The following DMD variants were observed in gnomAD, a reference collection of about 807,000 sequenced individuals.
The protein encoded by DMD is dystrophin.
In DMD, 63 loss-of-function variants were observed where a neutral mutation model predicts 330.1. The observed-to-expected ratio is 0.19, with a 90% CI of 0.16 to 0.24. The LOEUF (loss-of-function observed/expected upper bound fraction) is 0.24. Among genes scored for constraint, DMD ranks in the 10% least tolerant of loss-of-function variants. The pLI is 1.00. For missense variants in DMD, 3,344 were observed against 2,684.1 expected (o/e 1.25, Z -5.43); for synonymous variants, 1,223 against 959.8 (o/e 1.27, Z -5.07).
At position 32,136,453 on chromosome X, in the gene DMD, AT is replaced by A. The variant is rs780190494; in HGVS notation, c.6438+80462del. Among the ~76,000 whole-genome samples, 4 of 112,666 alleles carry A rather than the reference AT, an allele frequency of 3.6e-5. No individual in the cohort carries two copies. The South Asian group carries it at 1.4e-3, about 41-fold the overall frequency. On this transcript the variant is annotated intron_variant, in intron 44 of 78. Transcript: ENST00000357033. ...CTTTCATTAAGGCATATGTTCCTTT[AT>A]GAAAAACATTCCATTCCTGGCAGCC...
At chrX:31,456,884 A>G (rs866897452) in intron 59 of DMD, among the ~76,000 whole-genome samples, 7 of 96,570 alleles carry the variant, frequency 7.2e-5, no homozygotes, top group African/African-American at 1.6e-4. Context: ...GTGTATATAT[A>G]TATATATTAT....
chrX:32,900,945 A>G (rs1178186941), intron 2 of DMD, among the ~76,000 whole-genome samples: 6 of 111,322 alleles, frequency 5.4e-5, no homozygotes, highest in Non-Finnish European at 1.1e-4. Context: ...CAAAATGATG[A>G]AAATGCTTGT....
At chrX:32,943,086 G>T (rs2090540780) in intron 2 of DMD, among the ~76,000 whole-genome samples, 1 of 111,572 alleles carries the variant, frequency 9.0e-6, no homozygotes, top group African/African-American at 3.3e-5. Context: ...AAGAATTAGA[G>T]ATATAAACAT....
rs770319467 is a variant in DMD, at chrX:32,498,114, T to C, written c.2380+3641A>G. Among the ~76,000 whole-genome samples, 298 of 111,477 alleles carry C rather than the reference T, an allele frequency of 2.7e-3. 1 individual carries two copies. The highest frequency in any genetic ancestry group is 9.4e-3 in the African/African-American group (290 of 30,817). On this transcript the variant is annotated intron_variant, in intron 19 of 78. Coordinates refer to ENST00000357033, the MANE Select transcript of DMD (RefSeq NM_004006.3). Reference sequence around the variant, plus strand: ...ATGAATATATAAATACATCACTAGATACCTGGTCTAGCCTCTCACTTGCCC... The same window carrying C: ...ATGAATATATAAATACATCACTAGACACCTGGTCTAGCCTCTCACTTGCCC...
At chrX:32,514,834 T>C (rs2045701401) in intron 18 of DMD, among the ~76,000 whole-genome samples, 1 of 112,335 alleles carries the variant, frequency 8.9e-6, no homozygotes, top group Non-Finnish European at 1.9e-5. Context: ...ATTGAGGAGA[T>C]GAGAGAAACA....
intron 44 of DMD, among the ~76,000 whole-genome samples, chrX:32,213,409 G>A (rs762265348): frequency 2.7e-5 from 3 of 112,368 alleles, no homozygotes; most frequent in East Asian, 2.8e-4. Flanking sequence ...CCCATTTTAC[G>A]ATAATTACTC....
intron 44 of DMD, among the ~76,000 whole-genome samples, chrX:31,973,603 C>T (rs888939312): frequency 9.0e-6 from 1 of 111,152 alleles, no homozygotes; most frequent in African/African-American, 3.3e-5. Flanking sequence ...AGCTTAGCTC[C>T]AATGCCCAGT....
chrX:31,756,132 G>A (rs1332309740), intron 51 of DMD, among the ~76,000 whole-genome samples: 1 of 110,769 alleles, frequency 9.0e-6, no homozygotes, highest in Non-Finnish European at 1.9e-5. Flanking sequence ...AGACTGCGGT[G>A]AGATCATTGC....
At chrX:31,981,108 G>C (rs2150255497) in intron 44 of DMD, among the ~76,000 whole-genome samples, 1 of 111,766 alleles carries the variant, frequency 8.9e-6, no homozygotes, top group East Asian at 2.8e-4. Flanking sequence ...CAGACTTCGT[G>C]AACCATCAGG....
At chrX:32,607,683 G>A (rs769766455) in intron 12 of DMD, among the ~76,000 whole-genome samples, 2 of 110,547 alleles carry the variant, frequency 1.8e-5, no homozygotes, top group South Asian at 7.4e-4. Flanking sequence ...ATAAGATACG[G>A]TCATACATTT....
chrX:32,618,223 C>T (rs1186652859), intron 11 of DMD, among the ~76,000 whole-genome samples: 1 of 112,031 alleles, frequency 8.9e-6, no homozygotes, highest in Non-Finnish European at 1.9e-5. Flanking sequence ...CACATATGTT[C>T]GTGGCAGCAC....
chrX:32,858,295 C>CT (rs1268160344), intron 2 of DMD, among the ~76,000 whole-genome samples: 1 of 112,047 alleles, frequency 8.9e-6, no homozygotes, highest in Non-Finnish European at 1.9e-5. Context: ...TTGCCTTCTT[C>CT]TTTTAATATA....
intron 1 of DMD, among the ~76,000 whole-genome samples, chrX:33,036,607 G>A (rs757968456): frequency 1.2e-4 from 13 of 111,085 alleles, no homozygotes; most frequent in Middle Eastern, 4.7e-3. Context: ...AATCATCTCC[G>A]TAAGTTTTGG....
intron 13 of DMD, among the ~76,000 whole-genome samples, chrX:32,584,846 A>ATAG (rs764925533): frequency 8.9e-6 from 1 of 111,925 alleles, no homozygotes; most frequent in East Asian, 2.8e-4. Context: ...ATGTGGAATC[A>ATAG]TAGTATGTTA....
At chrX:31,409,270 C>A (rs2061537978) in intron 60 of DMD, among the ~76,000 whole-genome samples, 1 of 112,412 alleles carries the variant, frequency 8.9e-6, no homozygotes, top group Admixed American at 9.4e-5. Context: ...ATGTCTGCTC[C>A]AAAATGCTGG....
At chrX:33,054,331 A>G (rs754812936) in intron 1 of DMD, among the ~76,000 whole-genome samples, 1 of 112,089 alleles carries the variant, frequency 8.9e-6, no homozygotes, top group South Asian at 3.7e-4. Flanking sequence ...GCCTATATAT[A>G]TATTCCATAG....
At chrX:32,249,516 G>T (rs1308304764) in intron 43 of DMD, among the ~76,000 whole-genome samples, 1 of 111,594 alleles carries the variant, frequency 9.0e-6, no homozygotes, top group Admixed American at 9.6e-5. Flanking sequence ...GAGTGCTAAT[G>T]GCAAGGGTCA....
intron 60 of DMD, among the ~76,000 whole-genome samples, chrX:31,352,858 T>C (rs1361882470): frequency 8.9e-6 from 1 of 111,869 alleles, no homozygotes; most frequent in African/African-American, 3.2e-5. Context: ...AACAAAGCAC[T>C]TTATTCTTTG....
At chrX:32,035,286 G>A (rs2095933695) in intron 44 of DMD, among the ~76,000 whole-genome samples, 1 of 111,634 alleles carries the variant, frequency 9.0e-6, no homozygotes, top group Admixed American at 9.6e-5. Flanking sequence ...GAAAGAATTG[G>A]GGTTGGGAAA....
Sources: gnomAD v4.1 joint callset for allele counts (sites outside exome capture counted in the v4.1 genomes callset) on GRCh38, gnomAD v4.1.1 for gene constraint, MANE v1.5 for transcripts, NCBI Gene and HGNC (gene_info 2026-07-23, HGNC 2026-07-21) for gene names.